NELL2: variants seen among roughly 807,000 people sequenced by gnomAD.
The protein encoded by NELL2 is neural EGFL like 2.
A neutral mutation model predicts 109.6 loss-of-function variants in NELL2; 41 were observed. That is an observed-to-expected ratio of 0.37 (90% CI 0.29 to 0.49). The LOEUF (loss-of-function observed/expected upper bound fraction) is 0.49, where lower values mean the gene tolerates loss of function less well. Among genes scored for constraint, NELL2 ranks in the 20% least tolerant of loss-of-function variants. The probability of loss-of-function intolerance (pLI) is 0.98; values close to 1 mark genes in which losing one functional copy is unlikely to be tolerated. For missense variants in NELL2, 900 were observed against 1,008.3 expected, an observed-to-expected ratio of 0.89 and a Z score of 1.45; for synonymous variants, 355 against 344.7, an observed-to-expected ratio of 1.03 and a Z score of -0.33.
intron 3 of NELL2, among the ~76,000 whole-genome samples, chr12:44,786,033 CTAAT>C (rs1942155012): frequency 6.6e-6 from 1 of 152,118 alleles, no homozygotes; most frequent in African/African-American, 2.4e-5. Flanking sequence ...CAAATGGAAT[CTAAT>C]TAAACTAAAG....
chr12:44,818,785 G>A (rs1943444393), intron 2 of NELL2, among the ~76,000 whole-genome samples: 1 of 133,120 alleles, frequency 7.5e-6, no homozygotes, highest in African/African-American at 2.9e-5. Context: ...GCCCAGGCCG[G>A]ACTGCGGACT....
intron 12 of NELL2, among the ~76,000 whole-genome samples, chr12:44,685,911 G>A (rs1025608946): frequency 6.6e-5 from 10 of 151,986 alleles, no homozygotes; most frequent in East Asian, 5.8e-4. Flanking sequence ...TGCTCTTCTC[G>A]AGAAGTATCT....
At chr12:44,646,044 T>C (rs899172129) in intron 13 of NELL2, among the ~76,000 whole-genome samples, 2 of 152,046 alleles carry the variant, frequency 1.3e-5, no homozygotes, top group Non-Finnish European at 2.9e-5. Context: ...CCTTCATAGA[T>C]TATAAAGTCT....
At chr12:44,694,528 C>CACACAA (rs1948997596) in intron 12 of NELL2, among the ~76,000 whole-genome samples, 1 of 151,364 alleles carries the variant, frequency 6.6e-6, no homozygotes, top group African/African-American at 2.4e-5. Context: ...CAAACACACA[C>CACACAA]ACACACACAC....
chr12:44,712,530 A>G (rs1938259945), intron 10 of NELL2, among the ~76,000 whole-genome samples: 1 of 152,078 alleles, frequency 6.6e-6, no homozygotes, highest in Non-Finnish European at 1.5e-5. Context: ...TGACAATAAA[A>G]GAACAAACAG....
chr12:44,710,431 A>G (rs1389397707), intron 11 of NELL2, among the ~76,000 whole-genome samples: 1 of 152,152 alleles, frequency 6.6e-6, no homozygotes. Context: ...AGAGATGAAC[A>G]TAAAGACTCA....
rs1182525187 is a variant in NELL2, at chr12:44,701,236, A to G, written c.1318+2490T>C. 6.6e-5 allele frequency among the ~76,000 whole-genome samples: 10 copies of G among 152,040 alleles called. No individual in the cohort carries two copies. In the South Asian group the frequency reaches 2.1e-3, roughly 31 times the overall value. Reference sequence around the variant, plus strand: ...AATATTGTTATTTGGAATAAATAACAAAAGATATATTAGAAGTCCTTATAT... The same window carrying G: ...AATATTGTTATTTGGAATAAATAACGAAAGATATATTAGAAGTCCTTATAT... On this transcript the variant is annotated intron_variant, in intron 12 of 19. Coordinates refer to ENST00000429094, the MANE Select transcript of NELL2 (RefSeq NM_001145108.2).
chr12:44,890,740 A>T (rs980315973), intron 1 of NELL2, among the ~76,000 whole-genome samples: 22 of 149,260 alleles, frequency 1.5e-4, no homozygotes, highest in Middle Eastern at 3.4e-3. Context: ...ATTTTATTTT[A>T]TTTTTTTTGA....
At chr12:44,848,536 C>T (rs1566525750) in intron 2 of NELL2, among the ~76,000 whole-genome samples, 1 of 152,178 alleles carries the variant, frequency 6.6e-6, no homozygotes, top group Non-Finnish European at 1.5e-5. Context: ...ACAAGACCCT[C>T]TTCTTCCCCA....
intron 2 of NELL2, among the ~76,000 whole-genome samples, chr12:44,858,958 C>CAACAA (rs886824425): frequency 6.6e-6 from 1 of 152,150 alleles, no homozygotes; most frequent in African/African-American, 2.4e-5. Context: ...CAAACAACAA[C>CAACAA]AACAAAACAC....
At chr12:44,902,558 A>C (rs1945673182) in intron 1 of NELL2, among the ~76,000 whole-genome samples, 1 of 152,176 alleles carries the variant, frequency 6.6e-6, no homozygotes, top group Admixed American at 6.5e-5. Context: ...ACTACTTTAA[A>C]TTTCATATGG....
chr12:44,653,988 A>G (rs1231285502), intron 13 of NELL2, among the ~76,000 whole-genome samples: 1 of 152,006 alleles, frequency 6.6e-6, no homozygotes, highest in East Asian at 1.9e-4. Flanking sequence ...GTCTTCTCTC[A>G]CTTCTTTCTC....
chr12:44,553,420 A>G (rs1480541657), intron 15 of NELL2, among the ~76,000 whole-genome samples: 1 of 152,184 alleles, frequency 6.6e-6, no homozygotes, highest in Admixed American at 6.5e-5. Flanking sequence ...CTTCATATCT[A>G]CAGCCAAGCA....
chr12:44,773,866 G>C (rs941404787), intron 9 of NELL2, among the ~76,000 whole-genome samples: 1 of 150,912 alleles, frequency 6.6e-6, no homozygotes, highest in Admixed American at 6.6e-5. Context: ...CTGATAGCTT[G>C]TCACCCTCAC....
At chr12:44,818,891 C>T (rs1024447580) in intron 2 of NELL2, among the ~76,000 whole-genome samples, 188 of 150,514 alleles carry the variant, frequency 1.2e-3, no homozygotes, top group African/African-American at 4.5e-3. Flanking sequence ...TACAGGCGCC[C>T]GCCACCGCGC....
At chr12:44,633,266 G>A (rs928437084) in intron 13 of NELL2, among the ~76,000 whole-genome samples, 4 of 152,082 alleles carry the variant, frequency 2.6e-5, no homozygotes, top group Admixed American at 2.0e-4. Context: ...AAATCCAGAA[G>A]AGGAGAGAAA....
intron 12 of NELL2, among the ~76,000 whole-genome samples, chr12:44,687,987 A>G (rs1159257880): frequency 1.3e-5 from 2 of 152,194 alleles, no homozygotes; most frequent in Non-Finnish European, 2.9e-5. Context: ...CTTAATTCTA[A>G]GCAATTTCTC....
At chr12:44,695,657 C>G (rs896635560) in intron 12 of NELL2, among the ~76,000 whole-genome samples, 1 of 151,890 alleles carries the variant, frequency 6.6e-6, no homozygotes, top group African/African-American at 2.4e-5. Context: ...ATTTGAACCC[C>G]AAATTTACTG....
upstream of NELL2, among the ~76,000 whole-genome samples, chr12:44,878,054 G>T (rs1280887284): frequency 6.6e-6 from 1 of 152,088 alleles, no homozygotes; most frequent in African/African-American, 2.4e-5. Context: ...TTAGAGAAAA[G>T]AATAAAACAT....
Sources: gnomAD v4.1 joint callset for allele counts (sites outside exome capture counted in the v4.1 genomes callset) on GRCh38, gnomAD v4.1.1 for gene constraint, MANE v1.5 for transcripts, NCBI Gene and HGNC (gene_info 2026-07-23, HGNC 2026-07-21) for gene names.